The following NT5DC3 variants were observed in gnomAD, a reference collection of about 807,000 sequenced individuals.
NT5DC3 encodes 5'-nucleotidase domain containing 3, also known as 5'-nucleotidase domain-containing protein 3.
Under a neutral mutation model 67.8 loss-of-function variants are expected in NT5DC3, and 42 were observed. That is an observed-to-expected ratio of 0.62 (90% CI 0.48 to 0.80). The LOEUF (loss-of-function observed/expected upper bound fraction) is 0.80, where lower values mean the gene tolerates loss of function less well. Among genes scored for constraint, NT5DC3 ranks in the 30% least tolerant of loss-of-function variants. The probability of loss-of-function intolerance (pLI) is 0.00; values close to 1 mark genes in which losing one functional copy is unlikely to be tolerated. For missense variants in NT5DC3, 570 were observed against 696.4 expected (o/e 0.82, Z 2.04); for synonymous variants, 237 against 255.6 (o/e 0.93, Z 0.69).
chr12:103,792,581 G>A (rs772843245), intron 9 of NT5DC3, among the ~76,000 whole-genome samples: 6 of 152,142 alleles, frequency 3.9e-5, no homozygotes, highest in South Asian at 2.1e-4. Flanking sequence ...ATATTTTAGC[G>A]TTCCCTGATC....
intron 1 of NT5DC3, among the ~76,000 whole-genome samples, chr12:103,821,078 C>T (rs1435731179): frequency 6.6e-6 from 1 of 152,238 alleles, no homozygotes; most frequent in Non-Finnish European, 1.5e-5. Flanking sequence ...GCTGGGCACA[C>T]TCCCTTCTCC....
At chr12:103,790,107 A>G (rs11111774) in intron 9 of NT5DC3, among the ~76,000 whole-genome samples, 111,182 of 151,590 alleles carry the variant, frequency 0.73, 41,039 homozygotes, top group East Asian at 0.9. Flanking sequence ...TCCCAAATAC[A>G]TTTTTGGTTT....
rs371324733 is a variant in NT5DC3, at chr12:103,793,905, A to C, written c.814+32T>G. 154 of 1,570,186 alleles carry C rather than the reference A, an allele frequency of 9.8e-5. No homozygotes were observed. In the African/African-American group the frequency reaches 1.9e-3, roughly 19 times the overall value. Reference sequence around the variant, plus strand: ...GGTTGCAAAAGAAACAGAAAGGCTGAAACTCTCTTCGTGATACTGCTGAGC... The same window carrying C: ...GGTTGCAAAAGAAACAGAAAGGCTGCAACTCTCTTCGTGATACTGCTGAGC... On this transcript the variant is annotated intron_variant, in intron 7 of 13. Transcript: ENST00000392876.
chr12:103,801,831 C>T (rs1886597887), intron 4 of NT5DC3, among the ~76,000 whole-genome samples: 1 of 152,184 alleles, frequency 6.6e-6, no homozygotes, highest in East Asian at 1.9e-4. Context: ...GGACTAAACC[C>T]CGTGATGTGA....
chr12:103,753,211 C>T, the NT5DC3 span: 1 of 1,613,942 alleles, frequency 6.2e-7, no homozygotes, highest in Non-Finnish European at 8.5e-7. Context: ...CCTCCTCTTC[C>T]TCATCCAGAT....
intron 12 of NT5DC3, among the ~76,000 whole-genome samples, chr12:103,783,254 C>T (rs1885633053): frequency 6.6e-6 from 1 of 152,130 alleles, no homozygotes; most frequent in African/African-American, 2.4e-5. Context: ...AGCTATACAC[C>T]TCTATATCCT....
At chr12:103,790,815 G>A (rs900248251) in intron 9 of NT5DC3, among the ~76,000 whole-genome samples, 2 of 137,514 alleles carry the variant, frequency 1.5e-5, no homozygotes, top group Admixed American at 1.6e-4. Flanking sequence ...TCACCCTCCC[G>A]AGTAGCTGGG....
In NT5DC3 at chr12:103,787,498, A is replaced by G. The variant is rs1409794677; in HGVS notation, c.1131T>C (p.Thr377=). The G allele has an allele frequency of 6.2e-7, 1 of 1,600,374 alleles. No individual in the cohort carries two copies. Among genetic ancestry groups the G allele is most frequent in the Admixed American group, 1.7e-5 (1 of 59,098 alleles). ...QGNLYEFLKL[T]GWRGSRVLYF... ...ACAACACTCTGGATCCTCTCCATCC[A>G]GTAAGCTTCAAAAATTCATATAAAT... The change falls in exon 11 of 14, where the codon ACT becomes ACC. Residue 377 remains threonine (T), a synonymous_variant. Transcript: ENST00000392876.
At chr12:103,831,263 A>G (rs1353541956) in intron 1 of NT5DC3, among the ~76,000 whole-genome samples, 1 of 151,974 alleles carries the variant, frequency 6.6e-6, no homozygotes, top group Non-Finnish European at 1.5e-5. Context: ...CCCTGCTGGC[A>G]CTCATTCTCT....
intron 6 of NT5DC3, among the ~76,000 whole-genome samples, chr12:103,795,941 G>A (rs986170739): frequency 1.3e-5 from 2 of 152,086 alleles, no homozygotes; most frequent in African/African-American, 4.8e-5. Context: ...AAATGACATC[G>A]AATAAATTGG....
rs1288815700 is a variant in NT5DC3, at chr12:103,796,264, C to A, written c.753+630G>T. 2.0e-5 allele frequency among the ~76,000 whole-genome samples: 3 copies of A among 151,958 alleles called. No individual in the cohort carries two copies. In the East Asian group the frequency reaches 5.8e-4, roughly 29 times the overall value. Reference sequence around the variant, plus strand: ...GGGCGTGGTGGCTCAAGCCTTTAATCCCAGTACTTTGGGAGGCTGAGGTGG... The same window carrying A: ...GGGCGTGGTGGCTCAAGCCTTTAATACCAGTACTTTGGGAGGCTGAGGTGG... On this transcript the variant is annotated intron_variant, in intron 6 of 13. Transcript: ENST00000392876.
chr12:103,746,791 C>A, the NT5DC3 span: 2 of 1,354,580 alleles, frequency 1.5e-6, no homozygotes, highest in Admixed American at 1.7e-5. Flanking sequence ...TTCATCCTAG[C>A]CCTCCTTCCT....
the NT5DC3 span, chr12:103,759,147 G>A: frequency 1.2e-6 from 2 of 1,614,124 alleles, no homozygotes; most frequent in Non-Finnish European, 8.5e-7. Flanking sequence ...TGTCTGGGCG[G>A]GACATCGAGC....
intron 1 of NT5DC3, among the ~76,000 whole-genome samples, chr12:103,823,247 C>T (rs1887561198): frequency 6.6e-6 from 1 of 150,928 alleles, no homozygotes; most frequent in Admixed American, 6.6e-5. Context: ...ACAGAAAAAG[C>T]CTCCATTCTC....
At chr12:103,764,589 T>C in the NT5DC3 span, among the ~76,000 whole-genome samples, 1 of 152,192 alleles carries the variant, frequency 6.6e-6, no homozygotes, top group South Asian at 2.1e-4. Context: ...TAATTTTTCT[T>C]TTTATAAAAG....
In NT5DC3 at chr12:103,797,331, C is replaced by T. The variant is rs555434549; in HGVS notation, c.616-300G>A. Reference sequence around the variant, plus strand: ...CTAAAAAATACAAAAATTTGCTGGGCATGGTGGTGGGTGCCTGAATCCCAG... The same window carrying T: ...CTAAAAAATACAAAAATTTGCTGGGTATGGTGGTGGGTGCCTGAATCCCAG... On this transcript the variant is annotated intron_variant, in intron 5 of 13. Transcript: ENST00000392876. Among the ~76,000 whole-genome samples, 3 of 151,942 alleles carry T rather than the reference C, an allele frequency of 2.0e-5. No individual in the cohort carries two copies. The East Asian group carries it at 5.8e-4, about 29-fold the overall frequency.
chr12:103,840,421 AT>A (rs1566137823), intron 1 of NT5DC3, among the ~76,000 whole-genome samples: 2,318 of 143,012 alleles, frequency 0.016, 38 homozygotes, highest in Middle Eastern at 0.045. Flanking sequence ...ATCTCATCTC[AT>A]TCCATCCCAT....
chr12:103,783,402 A>G (rs1885639279), intron 12 of NT5DC3, among the ~76,000 whole-genome samples: 1 of 152,204 alleles, frequency 6.6e-6, no homozygotes, highest in South Asian at 2.1e-4. Context: ...AGCAAGTTAT[A>G]TCTCCTCTGC....
chr12:103,781,488 T>C (rs555008294), intron 12 of NT5DC3, among the ~76,000 whole-genome samples: 1 of 152,348 alleles, frequency 6.6e-6, no homozygotes, highest in African/African-American at 2.4e-5. Context: ...AGCAGCTGGC[T>C]GGGGCGCCCT....
Sources: allele counts gnomAD v4.1 joint callset (sites outside exome capture counted in the v4.1 genomes callset), GRCh38; gene constraint gnomAD v4.1.1; transcripts MANE v1.5; gene names NCBI Gene and HGNC (gene_info 2026-07-23, HGNC 2026-07-21).